The following PCDH7 variants were observed in gnomAD, a reference collection of about 807,000 sequenced individuals.
The protein encoded by PCDH7 is protocadherin-7.
In PCDH7, 17 loss-of-function variants were observed where a neutral mutation model predicts 58.9. The ratio of observed to expected loss-of-function variants is 0.29; its 90% CI spans 0.20 to 0.43. The LOEUF is 0.43. PCDH7 is among the 20% of genes least tolerant of loss of function. The pLI, the probability that PCDH7 is intolerant of heterozygous loss-of-function variation, is 1.00. For missense variants in PCDH7, 1,274 were observed against 1,441.0 expected (o/e 0.88, Z 1.88); for synonymous variants, 664 against 616.4 (o/e 1.08, Z -1.14).
At chr4:30,807,754 GA>G (rs796427791) in intron 1 of PCDH7, among the ~76,000 whole-genome samples, 61 of 143,916 alleles carry the variant, frequency 4.2e-4, no homozygotes, top group Middle Eastern at 3.6e-3. Context: ...ATCTATTTGT[GA>G]AAAAAAAAAA....
chr4:30,821,234 A>G (rs1206814151), intron 1 of PCDH7, among the ~76,000 whole-genome samples: 1 of 152,188 alleles, frequency 6.6e-6, no homozygotes, highest in African/African-American at 2.4e-5. Context: ...AGTCTTTACT[A>G]TTCTACCTCC....
intron 1 of PCDH7, among the ~76,000 whole-genome samples, chr4:30,823,564 A>T (rs1161532381): frequency 6.6e-6 from 1 of 152,050 alleles, no homozygotes; most frequent in African/African-American, 2.4e-5. Flanking sequence ...GTCCCTGCAA[A>T]TTCAAATATG....
intron 1 of PCDH7, among the ~76,000 whole-genome samples, chr4:30,811,168 G>A (rs1177379313): frequency 1.3e-5 from 2 of 152,188 alleles, no homozygotes; most frequent in Non-Finnish European, 2.9e-5. Context: ...CATGTAGAAG[G>A]ATGGTGTACT....
chr4:30,951,217 T>C (rs1189356890), intron 3 of PCDH7, among the ~76,000 whole-genome samples: 3 of 152,226 alleles, frequency 2.0e-5, no homozygotes, highest in Non-Finnish European at 4.4e-5. Context: ...AAGACTTGTC[T>C]GTGTACATAA....
At chr4:30,806,180 A>G (rs191432115) in intron 1 of PCDH7, among the ~76,000 whole-genome samples, 1 of 152,160 alleles carries the variant, frequency 6.6e-6, no homozygotes, top group African/African-American at 2.4e-5. Flanking sequence ...AATAAAATCC[A>G]GTCCCCCAAA....
chr4:31,032,362 C>A (rs985236312), intron 3 of PCDH7, among the ~76,000 whole-genome samples: 1 of 152,098 alleles, frequency 6.6e-6, no homozygotes, highest in South Asian at 2.1e-4. Context: ...AATCCCAGCA[C>A]TTTGGGAGGC....
chr4:31,132,869 T>A (rs1719158397), intron 3 of PCDH7, among the ~76,000 whole-genome samples: 1 of 152,126 alleles, frequency 6.6e-6, no homozygotes, highest in African/African-American at 2.4e-5. Context: ...AGAAGACAAG[T>A]TTTTTCAGGT....
chr4:30,815,748 G>T (rs1268821107), intron 1 of PCDH7, among the ~76,000 whole-genome samples: 2 of 152,162 alleles, frequency 1.3e-5, no homozygotes, highest in Non-Finnish European at 2.9e-5. Flanking sequence ...GATCTTATTG[G>T]GAAGCTGCTG....
chr4:30,971,950 G>A (rs933522629), intron 3 of PCDH7, among the ~76,000 whole-genome samples: 1 of 152,122 alleles, frequency 6.6e-6, no homozygotes, highest in Non-Finnish European at 1.5e-5. Context: ...GACAGAATGA[G>A]ACTGTCTCAA....
rs199664249 is a variant in PCDH7 at position 30,850,094 on chromosome 4, C to A, written c.71-70059C>A. Among the ~76,000 whole-genome samples, 14 of 152,224 alleles carry A rather than the reference C, an allele frequency of 9.2e-5. No homozygotes were observed. In the East Asian group the frequency reaches 2.7e-3, roughly 29 times the overall value. On this transcript the variant is annotated intron_variant, in intron 1 of 3. Coordinates refer to the PCDH7 transcript ENST00000509759. The stretch of plus-strand genomic sequence containing the variant: ...TCATGTAGCTCAAAACTGTCTCTCT[C>A]CACAGAGACCAGCTACTGTCTCTTA...
intron 1 of PCDH7, among the ~76,000 whole-genome samples, chr4:30,872,511 T>C (rs918556787): frequency 6.6e-6 from 1 of 152,092 alleles, no homozygotes; most frequent in Non-Finnish European, 1.5e-5. Flanking sequence ...TATGTTCCAT[T>C]ATAACCTGGA....
intron 2 of PCDH7, among the ~76,000 whole-genome samples, chr4:30,943,447 A>G (rs1348861351): frequency 6.6e-6 from 1 of 152,200 alleles, no homozygotes; most frequent in Non-Finnish European, 1.5e-5. Context: ...TGACTTGCTT[A>G]AAGTCATGCA....
chr4:30,832,287 C>T (rs948890799), intron 1 of PCDH7, among the ~76,000 whole-genome samples: 2 of 152,180 alleles, frequency 1.3e-5, no homozygotes, highest in African/African-American at 2.4e-5. Flanking sequence ...GGAATGGTGC[C>T]TAATTTTTAG....
intron 3 of PCDH7, among the ~76,000 whole-genome samples, chr4:30,991,216 G>A (rs184990075): frequency 1.3e-5 from 2 of 152,194 alleles, no homozygotes; most frequent in Admixed American, 6.5e-5. Context: ...AATGATGTCT[G>A]CTAAATTATG....
chr4:31,074,792 A>AAAAAAAAAAAAAAAAAAAAAAAAC (rs1758844507), intron 3 of PCDH7, among the ~76,000 whole-genome samples: 1 of 150,200 alleles, frequency 6.7e-6, no homozygotes, highest in South Asian at 2.1e-4. Flanking sequence ...CTCAAAAAAA[A>AAAAAAAAAAAAAAAAAAAAAAAAC]AAAAAAAAAA....
intron 1 of PCDH7, among the ~76,000 whole-genome samples, chr4:30,760,855 C>T (rs953009803): frequency 5.3e-5 from 8 of 152,278 alleles, no homozygotes; most frequent in African/African-American, 1.9e-4. Context: ...GACACATCTC[C>T]AAGAGTGAAT....
intron 3 of PCDH7, among the ~76,000 whole-genome samples, chr4:31,086,402 G>T (rs2109277689): frequency 6.6e-6 from 1 of 152,230 alleles, no homozygotes; most frequent in South Asian, 2.1e-4. Flanking sequence ...GTGCACATCT[G>T]CACACATGCA....
At chr4:31,059,416 A>T (rs1332672224) in intron 3 of PCDH7, among the ~76,000 whole-genome samples, 2 of 146,390 alleles carry the variant, frequency 1.4e-5, no homozygotes, top group Non-Finnish European at 2.9e-5. Context: ...AGGCCTCTTC[A>T]ACACTCATTG....
intron 3 of PCDH7, among the ~76,000 whole-genome samples, chr4:31,010,139 G>C (rs1317828940): frequency 6.6e-6 from 1 of 151,890 alleles, no homozygotes; most frequent in Non-Finnish European, 1.5e-5. Flanking sequence ...GAGAGCAAAA[G>C]CAATCCACAT....
Sources: gnomAD v4.1 joint callset for allele counts (sites outside exome capture counted in the v4.1 genomes callset) on GRCh38, gnomAD v4.1.1 for gene constraint, MANE v1.5 for transcripts, NCBI Gene and HGNC (gene_info 2026-07-23, HGNC 2026-07-21) for gene names.